The following ARHGAP10 variants were observed in gnomAD, a reference collection of about 807,000 sequenced individuals.
ARHGAP10 encodes the protein Rho GTPase activating protein 10, also known as rho GTPase-activating protein 10.
ARHGAP10 carries 87 observed loss-of-function variants against 108.6 expected under a neutral mutation model. The observed-to-expected ratio is 0.80, with a 90% CI of 0.67 to 0.96. The LOEUF is 0.96. ARHGAP10 is among the 40% of genes least tolerant of loss of function. ARHGAP10 has a pLI of 0.00. For synonymous variants in ARHGAP10, 347 were observed against 341.1 expected, an observed-to-expected ratio of 1.02 and a Z score of -0.19; for missense variants, 939 against 954.5, an observed-to-expected ratio of 0.98 and a Z score of 0.21.
chr4:148,005,670 A>G (rs909377540), intron 18 of ARHGAP10, among the ~76,000 whole-genome samples: 1 of 152,198 alleles, frequency 6.6e-6, no homozygotes, highest in Non-Finnish European at 1.5e-5. Context: ...TTTTAATTTG[A>G]AGAAACTTTA....
chr4:147,965,804 G>A (rs964295293), intron 17 of ARHGAP10, among the ~76,000 whole-genome samples: 4 of 152,146 alleles, frequency 2.6e-5, no homozygotes, highest in Admixed American at 6.5e-5. Flanking sequence ...GAATAAAATA[G>A]TCTAAGTCCC....
In ARHGAP10 at chr4:147,897,011, A is replaced by G. The variant is rs191297002; in HGVS notation, c.1035-9627A>G. ...CGAAAGGATTTTTTTGCATATGTGC[A>G]TAATGACCCTTTTATGAAATATCTC... On this transcript the variant is annotated intron_variant, in intron 10 of 22. Coordinates refer to ENST00000336498, the MANE Select transcript of ARHGAP10 (RefSeq NM_024605.4). Among the ~76,000 whole-genome samples the G allele has an allele frequency of 6.8e-3, 1,030 of 152,226 alleles. 5 individuals are homozygous for G. The highest frequency in any genetic ancestry group is 0.023 in the Admixed American group (345 of 15,298).
At chr4:147,853,048 C>G (rs542045425) in intron 4 of ARHGAP10, among the ~76,000 whole-genome samples, 50 of 152,022 alleles carry the variant, frequency 3.3e-4, no homozygotes, top group South Asian at 6.2e-4. Context: ...TTAATGAAAA[C>G]AAGATAATCA....
intron 18 of ARHGAP10, among the ~76,000 whole-genome samples, chr4:147,984,679 C>T (rs1163647027): frequency 2.0e-5 from 3 of 152,256 alleles, no homozygotes; most frequent in East Asian, 3.8e-4. Context: ...AGACTAACCT[C>T]GTTCCTGAGT....
intron 1 of ARHGAP10, among the ~76,000 whole-genome samples, chr4:147,813,918 G>C (rs371374331): frequency 6.6e-6 from 1 of 152,154 alleles, no homozygotes; most frequent in African/African-American, 2.4e-5. Context: ...AATTTAAAGT[G>C]ATATAAATTT....
intron 1 of ARHGAP10, among the ~76,000 whole-genome samples, chr4:147,786,364 G>A (rs1371180479): frequency 6.6e-6 from 1 of 152,150 alleles, no homozygotes; most frequent in Non-Finnish European, 1.5e-5. Flanking sequence ...GTAACTGCCC[G>A]GTGAGACTGG....
intron 1 of ARHGAP10, among the ~76,000 whole-genome samples, chr4:147,783,098 GTAAATTATATGT>G (rs2126732700): frequency 7.1e-6 from 1 of 140,422 alleles, no homozygotes; most frequent in African/African-American, 2.6e-5. Context: ...TATATATTAT[GTAAATTATATGT>G]TAAATTATAT....
At chr4:148,053,569 T>C (rs1423313364) in intron 20 of ARHGAP10, among the ~76,000 whole-genome samples, 1 of 152,180 alleles carries the variant, frequency 6.6e-6, no homozygotes, top group Non-Finnish European at 1.5e-5. Context: ...TTTTTATGAG[T>C]AATATGATAT....
intron 1 of ARHGAP10, among the ~76,000 whole-genome samples, chr4:147,766,144 G>T (rs772309836): frequency 2.0e-5 from 3 of 152,024 alleles, no homozygotes; most frequent in Non-Finnish European, 2.9e-5. Flanking sequence ...AAATAAATTA[G>T]CCAGGTGTGG....
chr4:147,956,668 C>A (rs1050756802), intron 16 of ARHGAP10, among the ~76,000 whole-genome samples: 1 of 151,138 alleles, frequency 6.6e-6, no homozygotes, highest in Non-Finnish European at 1.5e-5. Context: ...CTGGAAAAAG[C>A]AGAAGAGTGC....
chr4:147,938,428 A>G (rs931780327), intron 13 of ARHGAP10, among the ~76,000 whole-genome samples: 1 of 152,238 alleles, frequency 6.6e-6, no homozygotes, highest in Non-Finnish European at 1.5e-5. Flanking sequence ...AAGAAGGAAC[A>G]AAACTTGACA....
chr4:147,888,647 A>G (rs552152937), intron 10 of ARHGAP10, among the ~76,000 whole-genome samples: 2 of 152,326 alleles, frequency 1.3e-5, no homozygotes, highest in East Asian at 1.9e-4. Context: ...TTTAAAAACA[A>G]TTACAGACCC....
intron 11 of ARHGAP10, among the ~76,000 whole-genome samples, chr4:147,908,634 C>T (rs921119760): frequency 6.6e-5 from 10 of 152,168 alleles, no homozygotes; most frequent in South Asian, 4.2e-4. Flanking sequence ...GAATTATCAC[C>T]GTGCTATTTC....
Position 147,732,250 on chromosome 4 carries a change from G to T in ARHGAP10, c.-52G>T. The T allele has an allele frequency of 1.3e-6, 2 of 1,497,150 alleles. No individual in the cohort carries two copies. The highest frequency in any genetic ancestry group is 1.8e-6 in the Non-Finnish European group (2 of 1,132,574). The allele number at this position is 1,497,150 out of a possible 1,614,324, so 92.7% of individuals were successfully genotyped here. ...GCACCTGGCAGCGGCCTCGGAGCTCGGCTCGGGCAGGAGCGCGCGGCCGTG... is the reference window on the plus strand; with the variant it reads ...GCACCTGGCAGCGGCCTCGGAGCTCTGCTCGGGCAGGAGCGCGCGGCCGTG... On this transcript the variant is annotated 5_prime_UTR_variant, in exon 1 of 23. Transcript: ENST00000336498.
intron 18 of ARHGAP10, among the ~76,000 whole-genome samples, chr4:147,984,999 A>G (rs1270168860): frequency 1.3e-5 from 2 of 152,182 alleles, no homozygotes; most frequent in Non-Finnish European, 2.9e-5. Context: ...TACTAGGCAC[A>G]TAGAGATGTG....
intron 19 of ARHGAP10, among the ~76,000 whole-genome samples, chr4:148,035,069 T>C (rs1316417393): frequency 6.6e-6 from 1 of 152,220 alleles, no homozygotes; most frequent in African/African-American, 2.4e-5. Flanking sequence ...TAGAGGTGGT[T>C]CCTGGAGTTG....
intron 10 of ARHGAP10, among the ~76,000 whole-genome samples, chr4:147,887,896 C>T (rs567040706): frequency 1.3e-5 from 2 of 151,104 alleles, no homozygotes; most frequent in African/African-American, 4.9e-5. Flanking sequence ...CCTATTTCTT[C>T]CCTCTTCTCT....
intron 3 of ARHGAP10, among the ~76,000 whole-genome samples, chr4:147,828,441 T>C (rs557301485): frequency 3.3e-5 from 5 of 152,288 alleles, no homozygotes; most frequent in Admixed American, 2.6e-4. Context: ...CAACAAATAG[T>C]GTGTGCCTGC....
chr4:147,929,142 A>G (rs1025255404), intron 13 of ARHGAP10, among the ~76,000 whole-genome samples: 1 of 152,162 alleles, frequency 6.6e-6, no homozygotes, highest in Non-Finnish European at 1.5e-5. Flanking sequence ...TTAAAATGTT[A>G]TTCAGTATTA....
Sources: allele counts gnomAD v4.1 joint callset (sites outside exome capture counted in the v4.1 genomes callset), GRCh38; gene constraint gnomAD v4.1.1; transcripts MANE v1.5; gene names NCBI Gene and HGNC (gene_info 2026-07-23, HGNC 2026-07-21).